The following KIAA1755 variants were observed in gnomAD, a reference collection of about 807,000 sequenced individuals.
KIAA1755 encodes the protein uncharacterized protein KIAA1755.
In KIAA1755, 68 loss-of-function variants were observed where a neutral mutation model predicts 91.7. The ratio of observed to expected loss-of-function variants is 0.74; its 90% CI spans 0.61 to 0.91. The LOEUF is 0.91. KIAA1755 is among the 40% of genes least tolerant of loss of function. The probability of loss-of-function intolerance (pLI) is 0.00; values close to 1 mark genes in which losing one functional copy is unlikely to be tolerated. For synonymous variants in KIAA1755, 610 were observed against 604.6 expected (o/e 1.01, Z -0.13); for missense variants, 1,535 against 1,494.4 (o/e 1.03, Z -0.45).
Position 38,260,556 on chromosome 20 carries a change from T to A in KIAA1755, c.-56A>T. 1 of 1,478,718 alleles carries A rather than the reference T, an allele frequency of 6.8e-7. No individual in the cohort carries two copies. The highest frequency in any genetic ancestry group is 8.9e-7 in the Non-Finnish European group (1 of 1,118,124). The allele number at this position is 1,478,718 out of a possible 1,614,324, so 91.6% of individuals were successfully genotyped here. A position where few individuals can be genotyped will look rare whatever the true frequency, so the allele number is the denominator to read the frequency against. Reference sequence around the variant, plus strand: ...GCTCCTCTCCTGGGCGCGGGGTCTGTGGGTCCGCGGGTCCGTCTGTCTGGG... The same window carrying A: ...GCTCCTCTCCTGGGCGCGGGGTCTGAGGGTCCGCGGGTCCGTCTGTCTGGG... On this transcript the variant is annotated 5_prime_UTR_variant, in exon 1 of 14. Transcript: ENST00000279024.
chr20:38,231,562 A>T (rs1365575071), intron 4 of KIAA1755, among the ~76,000 whole-genome samples: 2 of 152,192 alleles, frequency 1.3e-5, no homozygotes, highest in Non-Finnish European at 2.9e-5. Context: ...TCTGTATAAG[A>T]TACGTGGGCA....
chr20:38,220,094 T>C (rs1024039654), intron 10 of KIAA1755, among the ~76,000 whole-genome samples: 1 of 152,202 alleles, frequency 6.6e-6, no homozygotes, highest in Non-Finnish European at 1.5e-5. Context: ...AACCTTTCTA[T>C]GTCTCTGCTT....
Position 38,240,839 on chromosome 20 carries a change from G to C in KIAA1755, c.1292C>G (p.Ala431Gly). 1 of 1,614,188 alleles carries C rather than the reference G, an allele frequency of 6.2e-7. No individual in the cohort carries two copies. Among genetic ancestry groups the C allele is most frequent in the Non-Finnish European group, 8.5e-7 (1 of 1,180,034 alleles). The change falls in exon 3 of 14, where the codon GCA becomes GGA. Residue 431 changes from alanine (A) to glycine (G), a missense_variant. Coordinates refer to ENST00000279024, the MANE Select transcript of KIAA1755 (RefSeq NM_001029864.2). Reference protein sequence around the residue: ...SSPRLSPASPAAAASETKIEV... With the variant: ...SSPRLSPASPGAAASETKIEV... ...TATCTTTGTTTCAGAGGCTGCAGCT[G>C]CAGGAGAAGCTGGGGACAGGCGGGG...
In KIAA1755 at chr20:38,240,735, G is replaced by T. The variant is rs755384189; in HGVS notation, c.1396C>A (p.Pro466Thr). 1 of 1,575,442 alleles carries T rather than the reference G, an allele frequency of 6.3e-7. No individual in the cohort carries two copies. Among genetic ancestry groups the T allele is most frequent in the Non-Finnish European group, 8.6e-7 (1 of 1,160,996 alleles). ...GAGAATTTGAGCCCAGGAGTGGGGGGCTCAGGGGAGGAGGTGTTTCTGCTA... is the reference window on the plus strand; with the variant it reads ...GAGAATTTGAGCCCAGGAGTGGGGGTCTCAGGGGAGGAGGTGTTTCTGCTA... Reference protein sequence around the residue: ...CPSRNTSSPEPPTPGLKFSFL... With the variant: ...CPSRNTSSPETPTPGLKFSFL... The change falls in exon 3 of 14, where the codon CCC becomes ACC. Residue 466 changes from proline to threonine, a missense_variant. Pro to Thr is a conservative substitution (Grantham distance 38). Coordinates refer to ENST00000279024, the MANE Select transcript of KIAA1755 (RefSeq NM_001029864.2).
At chr20:38,222,299 C>A in intron 10 of KIAA1755, 150 bp downstream of exon 10, 1 of 796,726 alleles carries the variant, frequency 1.3e-6, no homozygotes, top group Non-Finnish European at 2.0e-6. Flanking sequence ...TGTGACCAGG[C>A]GTCAGCCTGG....
chr20:38,229,917 C>G (rs905367837), intron 5 of KIAA1755, among the ~76,000 whole-genome samples: 3 of 152,166 alleles, frequency 2.0e-5, no homozygotes, highest in East Asian at 1.9e-4. Context: ...GCCACTCCAC[C>G]TTGGACAAGA....
At chr20:38,215,660 G>C (rs113609656) in intron 13 of KIAA1755, among the ~76,000 whole-genome samples, 111 of 152,294 alleles carry the variant, frequency 7.3e-4, no homozygotes, top group Middle Eastern at 6.8e-3. Flanking sequence ...AGCTTCCCAG[G>C]CTGAGGGAAC....
Position 38,241,171 on chromosome 20 carries a change from T to C in KIAA1755, c.960A>G (p.Ile320Met), listed in dbSNP as rs2076055216. Residue 320 changes from isoleucine (I) to methionine (M), a missense_variant, in exon 3 of 14, where the codon ATA becomes ATG. Physicochemically the swap from Ile to Met is conservative, Grantham distance 10. Transcript: ENST00000279024. ...CTTCATTGGCCTCTGAGAGAGGCAG[T>C]ATCTTTTGAAATAAGGGAGTTTCCT... ...GTKETPLFQK[I>M]LPLSEANEGP... The C allele has an allele frequency of 1.2e-6, 2 of 1,614,192 alleles. No individual in the cohort carries two copies. Among genetic ancestry groups the C allele is most frequent in the Non-Finnish European group, 1.7e-6 (2 of 1,180,020 alleles).
At chr20:38,222,846 G>A (rs1344226958) in intron 9 of KIAA1755, 1 of 579,398 alleles carries the variant, frequency 1.7e-6, no homozygotes, top group Non-Finnish European at 3.1e-6. Flanking sequence ...TGATCTCCCT[G>A]CTGCCCTCTG....
chr20:38,257,286 A>G (rs2076354581), intron 1 of KIAA1755, among the ~76,000 whole-genome samples: 1 of 152,134 alleles, frequency 6.6e-6, no homozygotes. Flanking sequence ...TGTTGAATGG[A>G]TTAAACTGAA....
At chr20:38,257,275 A>G (rs1258034379) in intron 1 of KIAA1755, among the ~76,000 whole-genome samples, 1 of 152,190 alleles carries the variant, frequency 6.6e-6, no homozygotes, top group Non-Finnish European at 1.5e-5. Context: ...TATGTGGGCA[A>G]TGTTGAATGG....
chr20:38,225,205 T>C (rs931328250), intron 8 of KIAA1755, among the ~76,000 whole-genome samples: 1 of 152,218 alleles, frequency 6.6e-6, no homozygotes, highest in Non-Finnish European at 1.5e-5. Context: ...TTTTACCATG[T>C]TGGCCAGGCT....
rs149600128 is a variant in KIAA1755, at chr20:38,214,235, C to T, written c.2902-492G>A. Among the ~76,000 whole-genome samples, 120 of 152,298 alleles carry T rather than the reference C, an allele frequency of 7.9e-4. No homozygotes were observed. The East Asian group carries it at 0.02, about 26-fold the overall frequency. ...CAAAGTGCTGGGATTATAGGCATGA[C>T]CCACTGCGCCCAGCCCATCAGACAC... is the stretch of plus-strand genomic sequence containing the variant. On this transcript the variant is annotated intron_variant, in intron 13 of 13. Transcript: ENST00000279024.
At position 38,241,142 on chromosome 20, in the gene KIAA1755, G is replaced by T. The variant is rs1600631250; in HGVS notation, c.989C>A (p.Pro330His). ...ILPLSEANEGPSLGNRACTKP... is the reference protein window; with the variant it reads ...ILPLSEANEGHSLGNRACTKP... ...TGTGCAAGCCCGATTTCCCAAGGAA[G>T]GTCCTTCATTGGCCTCTGAGAGAGG... The change falls in exon 3 of 14, where the codon CCT becomes CAT. Residue 330 changes from proline (P) to histidine (H), a missense_variant. Transcript: ENST00000279024. The T allele has an allele frequency of 1.2e-6, 2 of 1,614,062 alleles. No individual in the cohort carries two copies. Among genetic ancestry groups the T allele is most frequent in the African/African-American group, 1.3e-5 (1 of 75,018 alleles).
rs2075749635 is a variant in KIAA1755, at chr20:38,225,928, A to G, written c.2053-147T>C. 6.0e-5 allele frequency: 33 copies of G among 546,214 alleles called. 2 individuals are homozygous for G. In the South Asian group the frequency reaches 8.2e-4, roughly 14 times the overall value. 33.8% of individuals were successfully genotyped at this position (546,214 alleles called of 1,614,324 possible). A position where few individuals can be genotyped will look rare whatever the true frequency, so the allele number is the denominator to read the frequency against. ...TTAAAAGTTGCTTTGCCAGCAACCA[A>G]TCTTCTCTGGAAACTCTGACAAATC... is the stretch of plus-strand genomic sequence containing the variant. On this transcript the variant is annotated intron_variant, in intron 7 of 13. Coordinates refer to ENST00000279024, the MANE Select transcript of KIAA1755 (RefSeq NM_001029864.2).
chr20:38,227,084 C>T, intron 7 of KIAA1755, 70 bp downstream of exon 7: 1 of 1,164,742 alleles, frequency 8.6e-7, no homozygotes, highest in Non-Finnish European at 1.3e-6. Flanking sequence ...AGTTCTCCCT[C>T]TCCTTAACCC....
rs570207457 is a variant in KIAA1755 at position 38,235,752 on chromosome 20, C to T, written c.1747+3776G>A. Among the ~76,000 whole-genome samples, 11 of 152,334 alleles carry T rather than the reference C, an allele frequency of 7.2e-5. No homozygotes were observed. The South Asian group carries it at 1.4e-3, about 20-fold the overall frequency. ...CAGATAATACATTTGTGTTGTTTTA[C>T]GTCACTAATTTGTAATAACTTGTTA... On this transcript the variant is annotated intron_variant, in intron 4 of 13. Transcript: ENST00000279024.
At chr20:38,233,066 A>G (rs1181435957) in intron 4 of KIAA1755, among the ~76,000 whole-genome samples, 1 of 152,100 alleles carries the variant, frequency 6.6e-6, no homozygotes, top group Non-Finnish European at 1.5e-5. Context: ...AGGCTGCAAG[A>G]ACCATAATTG....
At chr20:38,251,081 AT>A (rs1226104706) in intron 1 of KIAA1755, among the ~76,000 whole-genome samples, 5 of 151,968 alleles carry the variant, frequency 3.3e-5, no homozygotes, top group Admixed American at 2.6e-4. Flanking sequence ...TATAAAGTAT[AT>A]TTTTTGTTTA....
Sources: allele counts gnomAD v4.1 joint callset (sites outside exome capture counted in the v4.1 genomes callset), GRCh38; gene constraint gnomAD v4.1.1; transcripts MANE v1.5; gene names NCBI Gene and HGNC (gene_info 2026-07-23, HGNC 2026-07-21).